Variants in ACOT7 observed in about 807,000 individuals in gnomAD.
The protein encoded by ACOT7 is acyl-CoA thioesterase 7.
A neutral mutation model predicts 40.2 loss-of-function variants in ACOT7; 12 were observed. That is an observed-to-expected ratio of 0.30 (90% confidence interval 0.19 to 0.48). ACOT7 has a LOEUF of 0.48. ACOT7 is among the 20% of genes least tolerant of loss of function. ACOT7 has a pLI of 0.99. For missense variants in ACOT7, 395 were observed against 530.8 expected (o/e 0.74, Z 2.51); for synonymous variants, 228 against 219.5 (o/e 1.04, Z -0.34).
intron 1 of ACOT7, among the ~76,000 whole-genome samples, chr1:6,373,502 C>T (rs550789926): frequency 1.4e-3 from 220 of 152,164 alleles, no homozygotes; most frequent in Non-Finnish European, 2.7e-3. Context: ...CCGCCTGCCT[C>T]GGCCTCCCAA....
chr1:6,308,812 G>GTTTTT (rs1557643760), intron 6 of ACOT7, among the ~76,000 whole-genome samples: 1 of 151,926 alleles, frequency 6.6e-6, no homozygotes, highest in East Asian at 1.9e-4. Context: ...ACTGGGCGGA[G>GTTTTT]GGAAAAGCGA....
At chr1:6,337,972 G>C (rs562626475) in intron 3 of ACOT7, among the ~76,000 whole-genome samples, 121 of 128,142 alleles carry the variant, frequency 9.4e-4, no homozygotes, top group African/African-American at 3.2e-3. Flanking sequence ...CTGCACTCCA[G>C]ACTGGGCAAC....
rs184466332 is a variant in ACOT7, at chr1:6,322,026, C to T, written c.626-3448G>A. Among the ~76,000 whole-genome samples, 1,269 of 148,314 alleles carry T rather than the reference C, an allele frequency of 8.6e-3. 15 individuals carry two copies. The highest frequency in any genetic ancestry group is 0.032 in the African/African-American group (1,226 of 37,768). ...ACACCCCTAGACCCTGGCAGGCCCA[C>T]GCTGAAGCAGCAGGTGGGAGAGCAG... is the stretch of plus-strand genomic sequence containing the variant. On this transcript the variant is annotated intron_variant, in intron 5 of 8. Coordinates refer to ENST00000361521, the MANE Select transcript of ACOT7 (RefSeq NM_007274.4).
At chr1:6,279,620 GTCC>G (rs1208590372) in intron 8 of ACOT7, among the ~76,000 whole-genome samples, 1 of 152,204 alleles carries the variant, frequency 6.6e-6, no homozygotes, top group African/African-American at 2.4e-5. Flanking sequence ...GCCTGGCCGA[GTCC>G]TCCTCATCCA....
chr1:6,276,998 C>T (rs575852828), intron 8 of ACOT7, among the ~76,000 whole-genome samples: 3 of 152,082 alleles, frequency 2.0e-5, no homozygotes, highest in East Asian at 1.9e-4. Flanking sequence ...CCACCCCCCC[C>T]CAGGGTATGG....
intron 5 of ACOT7, among the ~76,000 whole-genome samples, chr1:6,320,764 T>C (rs1571304673): frequency 6.6e-6 from 1 of 152,272 alleles, no homozygotes; most frequent in East Asian, 1.9e-4. Flanking sequence ...CCCTGTTGTA[T>C]TCTTTGCACA....
chr1:6,265,259 C>A (rs12059924), intron 8 of ACOT7, among the ~76,000 whole-genome samples: 8 of 135,672 alleles, frequency 5.9e-5, no homozygotes, highest in African/African-American at 2.2e-4. Context: ...CCCAGAGAGA[C>A]GTGGGGAAAG....
intron 8 of ACOT7, among the ~76,000 whole-genome samples, chr1:6,270,087 G>A (rs1638984749): frequency 6.6e-6 from 1 of 152,222 alleles, no homozygotes; most frequent in Non-Finnish European, 1.5e-5. Flanking sequence ...TGGGCAGCCA[G>A]CCTCCCCAGG....
chr1:6,383,895 G>A (rs1390649770), intron 1 of ACOT7, among the ~76,000 whole-genome samples: 2 of 151,530 alleles, frequency 1.3e-5, no homozygotes, highest in African/African-American at 4.8e-5. Context: ...TGGTAAAGAT[G>A]GGGTTTCCCT....
rs766047954 is a variant in ACOT7, at chr1:6,281,219, C to T, written c.897G>A (p.Leu299=). The change falls in exon 8 of 9, where the codon TTG becomes TTA. Residue 299 remains leucine, a synonymous_variant. Coordinates refer to ENST00000361521, the MANE Select transcript of ACOT7 (RefSeq NM_007274.4). The part of the protein sequence containing the change: ...TSNKSMEIEV[L]VDADPVVDSS... ...TGTCCACAACAGGGTCGGCGTCCAC[C>T]AACACCTCGATCTCCATGGACTTAT... is the stretch of plus-strand genomic sequence containing the variant. The T allele has an allele frequency of 7.4e-6, 12 of 1,613,946 alleles. No homozygotes were observed. In the South Asian group the frequency reaches 1.1e-4, roughly 15 times the overall value.
chr1:6,344,328 G>A (rs1377974856), intron 2 of ACOT7, among the ~76,000 whole-genome samples: 4 of 152,138 alleles, frequency 2.6e-5, no homozygotes, highest in African/African-American at 4.8e-5. Flanking sequence ...GCTGTCCCTC[G>A]GGACACCCCT....
At chr1:6,283,458 G>A (rs543143693) in intron 7 of ACOT7, among the ~76,000 whole-genome samples, 18 of 152,246 alleles carry the variant, frequency 1.2e-4, no homozygotes, top group South Asian at 4.2e-4. Flanking sequence ...GAGCCACTCC[G>A]CCCAGGCTCC....
In ACOT7 at chr1:6,330,574, C is replaced by T. The variant is rs937087942; in HGVS notation, c.510+2903G>A. Among the ~76,000 whole-genome samples the T allele has an allele frequency of 1.3e-5, 2 of 152,176 alleles. No homozygotes were observed. The highest frequency in any genetic ancestry group is 1.3e-4 in the Admixed American group (2 of 15,284). The stretch of plus-strand genomic sequence containing the variant: ...TGGTATTTATGTCTCATCAAACCCA[C>T]TCTACAAAGGAAATGAAAAAGCAAC... On this transcript the variant is annotated intron_variant, in intron 4 of 8. Transcript: ENST00000361521. The surrounding 1 kb of genome is among the most constrained non-coding windows in gnomAD (Gnocchi z 4.6).
intron 1 of ACOT7, among the ~76,000 whole-genome samples, chr1:6,367,662 C>G (rs986437982): frequency 1.8e-4 from 28 of 152,170 alleles, no homozygotes; most frequent in Admixed American, 1.8e-3. Flanking sequence ...CTTGGTGACG[C>G]CAGGAACTGC....
intron 7 of ACOT7, among the ~76,000 whole-genome samples, chr1:6,284,965 C>A (rs1639462619): frequency 6.6e-6 from 1 of 152,242 alleles, no homozygotes; most frequent in Non-Finnish European, 1.5e-5. Flanking sequence ...GCGGCTCAGC[C>A]CCCTCCACCA....
chr1:6,305,978 G>A (rs1279230283), intron 6 of ACOT7, among the ~76,000 whole-genome samples: 2 of 152,088 alleles, frequency 1.3e-5, no homozygotes, highest in Admixed American at 6.5e-5. Context: ...CTCGCGGTTA[G>A]GAGCTGGAGA....
intron 2 of ACOT7, among the ~76,000 whole-genome samples, chr1:6,340,961 G>A (rs565480436): frequency 1.1e-4 from 16 of 151,810 alleles, no homozygotes; most frequent in African/African-American, 3.9e-4. Context: ...AGGTGAACTC[G>A]GGACGGGGAG....
rs1337363195 is a variant in ACOT7 at position 6,359,660 on chromosome 1, A to C, written c.144-9794T>G. ...TCAGGAAGAAAGAAAGAGGCCAAAC[A>C]ATCACAGCGGCCAGGGTGCAGGCTA... On this transcript the variant is annotated intron_variant, in intron 1 of 8. Coordinates refer to ENST00000361521, the MANE Select transcript of ACOT7 (RefSeq NM_007274.4). This position sits in a 1 kb window ranked among gnomAD's most constrained non-coding sequence, Gnocchi z 4.1. Among the ~76,000 whole-genome samples, 1 of 152,164 alleles carries C rather than the reference A, an allele frequency of 6.6e-6. No individual in the cohort carries two copies. Among genetic ancestry groups the C allele is most frequent in the Non-Finnish European group, 1.5e-5 (1 of 68,030 alleles).
chr1:6,281,374 C>A, intron 7 of ACOT7, 88 bp from the exon 8 acceptor site: 1 of 1,224,368 alleles, frequency 8.2e-7, no homozygotes, highest in South Asian at 1.3e-5. Context: ...AGCAGGCAGA[C>A]ACTTGGTTAG....
Sources: gnomAD v4.1 joint callset for allele counts (sites outside exome capture counted in the v4.1 genomes callset) on GRCh38, gnomAD v4.1.1 for gene constraint, Gnocchi (gnomAD v3.1) non-coding constraint, MANE v1.5 for transcripts, NCBI Gene and HGNC (gene_info 2026-07-23, HGNC 2026-07-21) for gene names.